The following GIT2 variants were observed in gnomAD, a reference collection of about 807,000 sequenced individuals.
GIT2 encodes the protein GIT ArfGAP 2.
GIT2 carries 32 observed loss-of-function variants against 100.3 expected under a neutral mutation model. That is an observed-to-expected ratio of 0.32 (90% CI 0.24 to 0.43). GIT2 has a LOEUF of 0.43. Among genes scored for constraint, GIT2 ranks in the 20% least tolerant of loss-of-function variants. The probability of loss-of-function intolerance (pLI) is 1.00; values close to 1 mark genes in which losing one functional copy is unlikely to be tolerated. For missense variants in GIT2, 737 were observed against 975.1 expected, an observed-to-expected ratio of 0.76 and a Z score of 3.25; for synonymous variants, 353 against 364.1, an observed-to-expected ratio of 0.97 and a Z score of 0.35.
chr12:109,989,424 G>C (rs1477780081), intron 3 of GIT2, among the ~76,000 whole-genome samples: 1 of 152,154 alleles, frequency 6.6e-6, no homozygotes, highest in Non-Finnish European at 1.5e-5. Flanking sequence ...TCTTATTTGA[G>C]TATAAGTTTA....
At chr12:109,964,946 A>G (rs1289290046) in intron 9 of GIT2, among the ~76,000 whole-genome samples, 3 of 152,190 alleles carry the variant, frequency 2.0e-5, no homozygotes, top group Admixed American at 6.6e-5. Flanking sequence ...TGAGGTGGGC[A>G]GTCTGGAAGA....
At chr12:109,941,002 C>T (rs1275513322) in intron 16 of GIT2, among the ~76,000 whole-genome samples, 1 of 152,020 alleles carries the variant, frequency 6.6e-6, no homozygotes, top group African/African-American at 2.4e-5. Flanking sequence ...GCAAGGCAGC[C>T]GGACCCACGT....
At chr12:109,979,475 A>T (rs1350111022) in intron 7 of GIT2, among the ~76,000 whole-genome samples, 3 of 152,008 alleles carry the variant, frequency 2.0e-5, no homozygotes, top group Non-Finnish European at 4.4e-5. Context: ...GGGTTTCACC[A>T]TGTTGGCCAG....
At chr12:109,978,074 AG>A (rs1885486598) in intron 7 of GIT2, among the ~76,000 whole-genome samples, 1 of 127,148 alleles carries the variant, frequency 7.9e-6, no homozygotes, top group Non-Finnish European at 1.6e-5. Context: ...CCAAATTTAG[AG>A]GTTTTTTTTT....
chr12:109,932,802 T>C lies in GIT2; in HGVS notation c.*176A>G. On this transcript the variant is annotated 3_prime_UTR_variant, in exon 20 of 20. Transcript: ENST00000355312. ...ATAGGCACAAAATAAGGCAAGTGGGTTAAATAGTTGAAAATTGGTTAGAAA... is the reference window on the plus strand; with the variant it reads ...ATAGGCACAAAATAAGGCAAGTGGGCTAAATAGTTGAAAATTGGTTAGAAA... The C allele has an allele frequency of 3.5e-6, 2 of 574,294 alleles. No individual in the cohort carries two copies. The highest frequency in any genetic ancestry group is 3.1e-6 in the Non-Finnish European group (1 of 321,346). 35.6% of individuals were successfully genotyped at this position (574,294 alleles called of 1,614,324 possible).
Position 109,947,262 on chromosome 12 carries a change from G to A in GIT2, c.1635C>T (p.Pro545=), listed in dbSNP as rs200426565. The change falls in exon 15 of 20, where the codon CCC becomes CCT. Residue 545 remains proline (P), a synonymous_variant. Transcript: ENST00000355312. The surrounding 1 kb of genome is among the most constrained non-coding windows in gnomAD (Gnocchi z 4.3). ...EESRMRLQPF[P]AHIGRSALVT... ...CGCCAGTGGTGTTACTTACGTGCGCGGGGAAGGGCTGGAGTCTCATCCTGC... is the reference window on the plus strand; with the variant it reads ...CGCCAGTGGTGTTACTTACGTGCGCAGGGAAGGGCTGGAGTCTCATCCTGC... 167 of 1,612,606 alleles carry A rather than the reference G, an allele frequency of 1.0e-4. No homozygotes were observed. The highest frequency in any genetic ancestry group is 1.4e-4 in the Non-Finnish European group (163 of 1,178,986).
intron 12 of GIT2, among the ~76,000 whole-genome samples, chr12:109,956,090 G>T (rs1359628532): frequency 6.6e-6 from 1 of 152,056 alleles, no homozygotes; most frequent in Non-Finnish European, 1.5e-5. Context: ...CACCATGCCT[G>T]GCTAATTTTT....
chr12:109,999,696 C>G (rs1593190311), upstream of GIT2: 1 of 1,535,962 alleles, frequency 6.5e-7, no homozygotes, highest in East Asian at 2.6e-5. The surrounding 1 kb of genome is among the most constrained non-coding windows in gnomAD (Gnocchi z 4.3). Context: ...GCCATGTCCT[C>G]GGCCTGCGAC....
intron 7 of GIT2, among the ~76,000 whole-genome samples, chr12:109,968,450 T>C (rs1883023970): frequency 6.6e-6 from 1 of 152,184 alleles, no homozygotes; most frequent in Non-Finnish European, 1.5e-5. Flanking sequence ...TGAGACAGAG[T>C]TTCACTCTTG....
At chr12:109,946,841 T>G (rs1876481181) in intron 15 of GIT2, among the ~76,000 whole-genome samples, 1 of 152,148 alleles carries the variant, frequency 6.6e-6, no homozygotes, top group African/African-American at 2.4e-5. Context: ...TTCTAAGGGC[T>G]CCAGTACTTA....
At chr12:109,981,306 A>T in intron 6 of GIT2, 1 of 365,044 alleles carries the variant, frequency 2.7e-6, no homozygotes, top group Non-Finnish European at 5.0e-6. Context: ...GACTTATGAG[A>T]GGGAAGGATA....
Position 109,991,770 on chromosome 12 carries a change from G to C in GIT2, c.53-10C>G, listed in dbSNP as rs1406825283. ...GATGCCCAGGAAGGATCTGGAAAGA[G>C]AGTGAAATCTCAGTGGCAGGGATAC... On this transcript the variant is annotated splice_polypyrimidine_tract_variant and intron_variant, in intron 1 of 19. Transcript: ENST00000355312. The C allele has an allele frequency of 1.2e-6, 2 of 1,608,120 alleles. No individual in the cohort carries two copies. Among genetic ancestry groups the C allele is most frequent in the South Asian group, 2.2e-5 (2 of 90,152 alleles).
rs202067718 is a variant in GIT2 at position 109,991,617 on chromosome 12, T to G, written c.186+10A>C. ...AATTACCAACTGTCAGGAGAATTCT[T>G]ATCCTTTACCTGAAGCAGTGTTGGA... On this transcript the variant is annotated intron_variant, in intron 2 of 19. Transcript: ENST00000355312. 6.2e-7 allele frequency: 1 copy of G among 1,607,378 alleles called. No homozygotes were observed. Among genetic ancestry groups the G allele is most frequent in the East Asian group, 2.2e-5 (1 of 44,856 alleles).
In GIT2 at chr12:109,980,898, T is replaced by C. The variant is rs373911993; in HGVS notation, c.718+54A>G. Reference sequence around the variant, plus strand: ...ATAACAAATAGTGTCCCAACTTGTTTTTCTAGAACCTTCCCAACTGGAGAT... The same window carrying C: ...ATAACAAATAGTGTCCCAACTTGTTCTTCTAGAACCTTCCCAACTGGAGAT... On this transcript the variant is annotated intron_variant, in intron 7 of 19. Coordinates refer to ENST00000355312, the MANE Select transcript of GIT2 (RefSeq NM_057169.5). 13 of 1,128,024 alleles carry C rather than the reference T, an allele frequency of 1.2e-5. No homozygotes were observed. The African/African-American group carries it at 2.0e-4, about 17-fold the overall frequency. The allele number at this position is 1,128,024 out of a possible 1,614,324, so 69.9% of individuals were successfully genotyped here.
At chr12:109,946,706 C>T (rs569508135) in intron 15 of GIT2, among the ~76,000 whole-genome samples, 51 of 152,252 alleles carry the variant, frequency 3.3e-4, no homozygotes, top group Non-Finnish European at 5.4e-4. Flanking sequence ...AGAAGCGAAC[C>T]TAGCAGGCAC....
Position 109,969,780 on chromosome 12 carries a change from C to T in GIT2, c.719-2277G>A, listed in dbSNP as rs141244561. On this transcript the variant is annotated intron_variant, in intron 7 of 19. Transcript: ENST00000355312. ...ATGTTTTCTTTTTTTTTTTGAGACG[C>T]GGTCTCACTCTGTCGCCCAGGCTGG... 8.4e-3 allele frequency among the ~76,000 whole-genome samples: 1,259 copies of T among 150,078 alleles called. 27 individuals are homozygous for T. The highest frequency in any genetic ancestry group is 0.028 in the African/African-American group (1,157 of 40,816).
chr12:109,933,969 T>G lies in GIT2; in HGVS notation c.2067+53A>C. On this transcript the variant is annotated intron_variant, in intron 19 of 19. Transcript: ENST00000355312. The surrounding 1 kb of genome is among the most constrained non-coding windows in gnomAD (Gnocchi z 4.5). ...TGTAATATATAGGTCATAAAGAAAT[T>G]TCTTGCTGTTCATTTAAAAGGATTT... 1 of 951,052 alleles carries G rather than the reference T, an allele frequency of 1.1e-6. No individual in the cohort carries two copies. The highest frequency in any genetic ancestry group is 1.7e-6 in the Non-Finnish European group (1 of 574,202). 58.9% of individuals were successfully genotyped at this position (951,052 alleles called of 1,614,324 possible).
At chr12:109,963,565 A>G (rs900996945) in intron 9 of GIT2, among the ~76,000 whole-genome samples, 5 of 152,278 alleles carry the variant, frequency 3.3e-5, no homozygotes, top group Admixed American at 1.3e-4. Context: ...TCACAAAGCT[A>G]GTGACAGACC....
chr12:109,943,889 C>T (rs1416324046), intron 16 of GIT2, among the ~76,000 whole-genome samples: 3 of 151,524 alleles, frequency 2.0e-5, no homozygotes, highest in East Asian at 2.0e-4. Context: ...GATGGGATTT[C>T]GCCATGTTGC....
Sources: allele counts gnomAD v4.1 joint callset (sites outside exome capture counted in the v4.1 genomes callset), GRCh38; gene constraint gnomAD v4.1.1; non-coding constraint Gnocchi (gnomAD v3.1); transcripts MANE v1.5; gene names NCBI Gene and HGNC (gene_info 2026-07-23, HGNC 2026-07-21).